Variants in ARMH4 observed in about 807,000 individuals in gnomAD.
ARMH4 encodes the protein armadillo-like helical domain-containing protein 4.
ARMH4 carries 49 observed loss-of-function variants against 61.9 expected under a neutral mutation model. That is an observed-to-expected ratio of 0.79 (90% CI 0.63 to 1.00). The LOEUF (loss-of-function observed/expected upper bound fraction) is 1.00, where lower values mean the gene tolerates loss of function less well. ARMH4 is among the 50% of genes least tolerant of loss of function. The probability of loss-of-function intolerance (pLI) is 0.00; values close to 1 mark genes in which losing one functional copy is unlikely to be tolerated. For missense variants in ARMH4, 934 were observed against 930.0 expected (o/e 1.00, Z -0.06); for synonymous variants, 368 against 341.5 (o/e 1.08, Z -0.85).
At chr14:58,040,579 G>A (rs1205336186) in intron 5 of ARMH4, among the ~76,000 whole-genome samples, 2 of 152,138 alleles carry the variant, frequency 1.3e-5, no homozygotes, top group Non-Finnish European at 2.9e-5. Context: ...GGGCATTTAG[G>A]TGGCTTCCAT....
At chr14:58,064,073 GGTTGAGCCAACACCCAAAATGTTGGCAT>G (rs1566563715) in intron 5 of ARMH4, among the ~76,000 whole-genome samples, 24 of 151,498 alleles carry the variant, frequency 1.6e-4, no homozygotes, top group African/African-American at 4.7e-4. Context: ...ATCAACAATA[GGTTGAGCCAACACCCAAAATGTTGGCAT>G]TAAAATTTTG....
At chr14:58,009,575 C>T (rs1163107014) in intron 6 of ARMH4, among the ~76,000 whole-genome samples, 1 of 152,048 alleles carries the variant, frequency 6.6e-6, no homozygotes, top group East Asian at 1.9e-4. Context: ...CTTTGGGAGG[C>T]CGAGGCAAGC....
chr14:58,122,967 G>A (rs1337081390), intron 4 of ARMH4, among the ~76,000 whole-genome samples: 2 of 152,020 alleles, frequency 1.3e-5, no homozygotes, highest in African/African-American at 4.8e-5. Context: ...ACCATTGAGG[G>A]CCAGGAGGTT....
Position 58,092,681 on chromosome 14 carries a change from G to A in ARMH4, c.2089+4043C>T, listed in dbSNP as rs185059155. Reference sequence around the variant, plus strand: ...CCTTGGCTGATGGCTACATCACTCCGACCTCGCTCCCATCATCACATCTTC... The same window carrying A: ...CCTTGGCTGATGGCTACATCACTCCAACCTCGCTCCCATCATCACATCTTC... On this transcript the variant is annotated intron_variant, in intron 5 of 7. Transcript: ENST00000267485. 3.9e-5 allele frequency among the ~76,000 whole-genome samples: 6 copies of A among 152,134 alleles called. No homozygotes were observed. The East Asian group carries it at 9.7e-4, about 24-fold the overall frequency.
chr14:58,034,453 C>T (rs1438015342), intron 5 of ARMH4, among the ~76,000 whole-genome samples: 1 of 126,986 alleles, frequency 7.9e-6, no homozygotes, highest in Non-Finnish European at 1.8e-5. Context: ...AAAATCATGC[C>T]AAAATGTAAA....
At chr14:58,038,943 C>T (rs1222589912) in intron 5 of ARMH4, among the ~76,000 whole-genome samples, 1 of 152,170 alleles carries the variant, frequency 6.6e-6, no homozygotes, top group Non-Finnish European at 1.5e-5. Flanking sequence ...AAATGCACTG[C>T]GTAGCTCTTC....
intron 5 of ARMH4, among the ~76,000 whole-genome samples, chr14:58,061,421 C>T (rs1884526500): frequency 6.6e-6 from 1 of 152,116 alleles, no homozygotes; most frequent in Non-Finnish European, 1.5e-5. Context: ...ACCACCTTAC[C>T]GAGCCCACCT....
chr14:58,076,322 CATT>C (rs1885048209), intron 5 of ARMH4, among the ~76,000 whole-genome samples: 2 of 152,180 alleles, frequency 1.3e-5, no homozygotes, highest in Admixed American at 1.3e-4. Context: ...GTCTTAAAGT[CATT>C]ATCCTGCTTT....
chr14:58,141,430 G>A (rs17094375), intron 1 of ARMH4: 35,328 of 538,700 alleles, frequency 0.066, 1,671 homozygotes, highest in African/African-American at 0.15. Flanking sequence ...GAAACGGCTG[G>A]AGGATGGCCA....
At chr14:58,033,299 A>C (rs1466048951) in intron 5 of ARMH4, among the ~76,000 whole-genome samples, 18 of 108,286 alleles carry the variant, frequency 1.7e-4, no homozygotes, top group African/African-American at 4.8e-4. Flanking sequence ...GCACACTGAC[A>C]CCTCACACGG....
intron 5 of ARMH4, among the ~76,000 whole-genome samples, chr14:58,030,816 T>A (rs1289421438): frequency 1.3e-5 from 2 of 152,226 alleles, no homozygotes; most frequent in Non-Finnish European, 2.9e-5. Flanking sequence ...TATGTCAGAA[T>A]TTCCTTCCTT....
At chr14:58,014,483 T>C (rs1411636164) in intron 5 of ARMH4, among the ~76,000 whole-genome samples, 1 of 152,188 alleles carries the variant, frequency 6.6e-6, no homozygotes, top group Non-Finnish European at 1.5e-5. Context: ...AACATCTGTC[T>C]TGCAAGATTG....
At chr14:58,097,981 T>C (rs1275023574) in intron 4 of ARMH4, among the ~76,000 whole-genome samples, 1 of 152,182 alleles carries the variant, frequency 6.6e-6, no homozygotes, top group African/African-American at 2.4e-5. Flanking sequence ...CAAGGCCCCA[T>C]CCTCACCATG....
intron 5 of ARMH4, among the ~76,000 whole-genome samples, chr14:58,063,846 A>C (rs1884614881): frequency 6.6e-6 from 1 of 152,190 alleles, no homozygotes; most frequent in Non-Finnish European, 1.5e-5. Flanking sequence ...TAACAAACAG[A>C]AACGTTCCAC....
chr14:58,059,849 G>A (rs178489), intron 5 of ARMH4, among the ~76,000 whole-genome samples: 46,498 of 152,062 alleles, frequency 0.31, 8,700 homozygotes, highest in East Asian at 0.63. Context: ...TAGACACTGC[G>A]TTATATGTGA....
intron 1 of ARMH4, among the ~76,000 whole-genome samples, chr14:58,144,429 T>C (rs1256844245): frequency 6.6e-6 from 1 of 152,008 alleles, no homozygotes. Context: ...CCAGTAGTCC[T>C]AGTTACTCAG....
chr14:58,078,030 T>A (rs1594743503), intron 5 of ARMH4, among the ~76,000 whole-genome samples: 1 of 152,188 alleles, frequency 6.6e-6, no homozygotes, highest in East Asian at 1.9e-4. Context: ...AGTCCGGAGG[T>A]ATTCCTAAAT....
intron 5 of ARMH4, among the ~76,000 whole-genome samples, chr14:58,015,931 G>C (rs62003278): frequency 0.031 from 4,458 of 142,834 alleles, 93 homozygotes; most frequent in Middle Eastern, 0.053. Context: ...ATTTAAAGAT[G>C]ATTATTTATA....
intron 1 of ARMH4, among the ~76,000 whole-genome samples, chr14:58,145,129 C>A (rs1887695516): frequency 6.6e-6 from 1 of 152,310 alleles, no homozygotes. Flanking sequence ...TGATCCCATA[C>A]TTCTGAATAA....
Sources: gnomAD v4.1 joint callset for allele counts (sites outside exome capture counted in the v4.1 genomes callset) on GRCh38, gnomAD v4.1.1 for gene constraint, MANE v1.5 for transcripts, NCBI Gene and HGNC (gene_info 2026-07-23, HGNC 2026-07-21) for gene names.